Variants in RNF38 observed in about 807,000 individuals in gnomAD.
The protein encoded by RNF38 is ring finger protein 38, also known as E3 ubiquitin-protein ligase RNF38.
In RNF38, 15 loss-of-function variants were observed where a neutral mutation model predicts 67.2. That is an observed-to-expected ratio of 0.22 (90% confidence interval 0.15 to 0.34). The LOEUF (loss-of-function observed/expected upper bound fraction) is 0.34. RNF38 is among the 10% of genes least tolerant of loss of function. The pLI is 1.00. For missense variants in RNF38, 524 were observed against 639.9 expected (o/e 0.82, Z 1.95); for synonymous variants, 220 against 218.8 (o/e 1.01, Z -0.05).
chr9:36,361,501 A>G (rs1834534499), intron 4 of RNF38, among the ~76,000 whole-genome samples: 1 of 152,124 alleles, frequency 6.6e-6, no homozygotes, highest in Admixed American at 6.6e-5. Context: ...TAAGAAAAAT[A>G]CTTCTGTTTA....
chr9:36,479,945 G>C (rs1016962370), intron 1 of RNF38, among the ~76,000 whole-genome samples: 9 of 151,928 alleles, frequency 5.9e-5, no homozygotes, highest in Non-Finnish European at 1.2e-4. Flanking sequence ...TTAAGTATGA[G>C]TTCCAACTTT....
chr9:36,475,816 G>A (rs557611088), intron 1 of RNF38, among the ~76,000 whole-genome samples: 1 of 148,718 alleles, frequency 6.7e-6, no homozygotes, highest in Admixed American at 6.7e-5. Flanking sequence ...AGGAGTTCGA[G>A]ACCAACCTGG....
At chr9:36,458,566 G>A (rs929134852) in intron 1 of RNF38, among the ~76,000 whole-genome samples, 3 of 151,382 alleles carry the variant, frequency 2.0e-5, no homozygotes, top group South Asian at 2.1e-4. Context: ...AACTCCTGAC[G>A]TGCCACCTTT....
intron 1 of RNF38, among the ~76,000 whole-genome samples, chr9:36,458,245 A>G (rs1839639163): frequency 6.6e-6 from 1 of 152,174 alleles, no homozygotes; most frequent in African/African-American, 2.4e-5. Context: ...TCTGTGTTTA[A>G]AGGATTGTAA....
chr9:36,394,046 G>A (rs542463656), intron 1 of RNF38, among the ~76,000 whole-genome samples: 2 of 152,298 alleles, frequency 1.3e-5, no homozygotes, highest in South Asian at 2.1e-4. Context: ...GGAGGCCGAG[G>A]CGGGCAGATC....
chr9:36,386,421 T>G (rs1794477392), intron 2 of RNF38, among the ~76,000 whole-genome samples: 1 of 152,248 alleles, frequency 6.6e-6, no homozygotes, highest in South Asian at 2.1e-4. Flanking sequence ...CACAATAATT[T>G]TCTCTTTCAG....
intron 1 of RNF38, 115 bp downstream of exon 1, chr9:36,399,982 A>G (rs1385848469): frequency 7.6e-6 from 7 of 921,072 alleles, no homozygotes; most frequent in Non-Finnish European, 1.2e-5. Context: ...GGCAATTCAT[A>G]TAATGGTGGC....
intron 1 of RNF38, among the ~76,000 whole-genome samples, chr9:36,445,502 C>T (rs1388161682): frequency 2.0e-5 from 3 of 152,140 alleles, no homozygotes; most frequent in African/African-American, 7.2e-5. Context: ...GTTTGGATAA[C>T]TGGTCACCAT....
chr9:36,383,984 T>C (rs190898974), intron 2 of RNF38, among the ~76,000 whole-genome samples: 24 of 152,256 alleles, frequency 1.6e-4, no homozygotes, highest in Admixed American at 2.0e-4. Context: ...GAACTATAAA[T>C]AAAGTGGTTT....
At chr9:36,469,022 G>T (rs7468985) in intron 1 of RNF38, among the ~76,000 whole-genome samples, 1 of 152,136 alleles carries the variant, frequency 6.6e-6, no homozygotes, top group East Asian at 1.9e-4. Flanking sequence ...TGAGGCAGAA[G>T]AATTGCTTGA....
chr9:36,453,857 A>C (rs1839520236), intron 1 of RNF38, among the ~76,000 whole-genome samples: 1 of 152,250 alleles, frequency 6.6e-6, no homozygotes, highest in Non-Finnish European at 1.5e-5. Context: ...ATAATGACAT[A>C]GTAGTCATGT....
intron 1 of RNF38, among the ~76,000 whole-genome samples, chr9:36,486,800 TAA>T (rs1030475417): frequency 8.6e-5 from 13 of 151,886 alleles, no homozygotes; most frequent in African/African-American, 3.1e-4. Context: ...TCCCACCCCG[TAA>T]GAGATCATTA....
At chr9:36,409,325 AAAAGAAAG>A (rs1205175097) in intron 2 of RNF38, among the ~76,000 whole-genome samples, 14 of 139,902 alleles carry the variant, frequency 1.0e-4, no homozygotes, top group Non-Finnish European at 1.5e-4. Flanking sequence ...GAAAGAAAGA[AAAAGAAAG>A]AAAGAAAGAA....
At position 36,342,496 on chromosome 9, in the gene RNF38, C is replaced by T. The variant is rs531463700; in HGVS notation, c.1386-72G>A. 4 of 915,114 alleles carry T rather than the reference C, an allele frequency of 4.4e-6. No homozygotes were observed. In the African/African-American group the frequency reaches 4.9e-5, roughly 11 times the overall value. 56.7% of individuals were successfully genotyped at this position (915,114 alleles called of 1,614,324 possible). A position where few individuals can be genotyped will look rare whatever the true frequency, so the allele number is the denominator to read the frequency against. ...CTATTGTTATGACTACTGAAACCTACAAGATAATTTATTCTGTTATCAAAA... is the reference window on the plus strand; with the variant it reads ...CTATTGTTATGACTACTGAAACCTATAAGATAATTTATTCTGTTATCAAAA... On this transcript the variant is annotated intron_variant, in intron 10 of 11. Coordinates refer to ENST00000259605, the MANE Select transcript of RNF38 (RefSeq NM_022781.5).
chr9:36,398,001 ATTAC>A (rs1489579173), intron 1 of RNF38, among the ~76,000 whole-genome samples: 1 of 152,134 alleles, frequency 6.6e-6, no homozygotes, highest in Non-Finnish European at 1.5e-5. Context: ...CACACATATA[ATTAC>A]TTACACAATA....
At position 36,435,438 on chromosome 9, in the gene RNF38, A is replaced by C. The variant is rs553694584; in HGVS notation, n.242-10755T>G. ...AAGAATTATTTGTATTCCAAAACAA[A>C]AAGTAAAAATTAAGTAGAAATTTAC... On this transcript the variant is annotated intron_variant and non_coding_transcript_variant, in intron 1 of 3. Transcript: ENST00000488058. 3.3e-5 allele frequency among the ~76,000 whole-genome samples: 5 copies of C among 152,284 alleles called. No homozygotes were observed. The South Asian group carries it at 1.0e-3, about 32-fold the overall frequency.
chr9:36,402,231 A>G (rs928844202), upstream of RNF38, among the ~76,000 whole-genome samples: 1 of 152,196 alleles, frequency 6.6e-6, no homozygotes, highest in Non-Finnish European at 1.5e-5. Context: ...TTAGGTCCCT[A>G]TGAACATATC....
At chr9:36,341,188 C>A (rs1240560378) in intron 11 of RNF38, among the ~76,000 whole-genome samples, 1 of 152,192 alleles carries the variant, frequency 6.6e-6, no homozygotes, top group Non-Finnish European at 1.5e-5. Flanking sequence ...TTTTCCCACT[C>A]TTCCTCACAT....
intron 2 of RNF38, among the ~76,000 whole-genome samples, chr9:36,383,617 T>C (rs920622542): frequency 3.3e-5 from 5 of 152,232 alleles, no homozygotes; most frequent in African/African-American, 1.2e-4. Context: ...ATTCTTATAC[T>C]CCTCAGATCA....
Sources: gnomAD v4.1 joint callset for allele counts (sites outside exome capture counted in the v4.1 genomes callset) on GRCh38, gnomAD v4.1.1 for gene constraint, MANE v1.5 for transcripts, NCBI Gene and HGNC (gene_info 2026-07-23, HGNC 2026-07-21) for gene names.